The following ALDH2 variants were observed in gnomAD, a reference collection of about 807,000 sequenced individuals.
ALDH2 encodes the protein aldehyde dehydrogenase, mitochondrial.
Under a neutral mutation model 59.6 loss-of-function variants are expected in ALDH2, and 44 were observed. The observed-to-expected ratio is 0.74, with a 90% confidence interval of 0.58 to 0.95. ALDH2 has a LOEUF of 0.95. ALDH2 is among the 40% of genes least tolerant of loss of function. The pLI, the probability that ALDH2 is intolerant of heterozygous loss-of-function variation, is 0.00. For missense variants in ALDH2, 570 were observed against 696.3 expected (o/e 0.82, Z 2.04); for synonymous variants, 291 against 284.0 (o/e 1.02, Z -0.25).
At chr12:111,780,194 G>A (rs760470151) in intron 1 of ALDH2, among the ~76,000 whole-genome samples, 7 of 152,046 alleles carry the variant, frequency 4.6e-5, no homozygotes, top group Non-Finnish European at 1.5e-5. Flanking sequence ...ACGCAGCCTC[G>A]CACTTTAATA....
chr12:111,808,780 G>A (rs1781695649), intron 12 of ALDH2, among the ~76,000 whole-genome samples: 1 of 152,066 alleles, frequency 6.6e-6, no homozygotes, highest in Non-Finnish European at 1.5e-5. Flanking sequence ...AGGGATGAGG[G>A]AGCTGTCAGG....
chr12:111,783,193 C>T lies in ALDH2; in HGVS notation c.255C>T (p.Ala85=), dbSNP rs151016544. The T allele has an allele frequency of 9.5e-5, 154 of 1,613,132 alleles. No individual in the cohort carries two copies. Among genetic ancestry groups the T allele is most frequent in the African/African-American group, 3.9e-4 (29 of 75,056 alleles). The change falls in exon 3 of 13, where the codon GCC becomes GCT. Residue 85 remains alanine (A), a synonymous_variant. Transcript: ENST00000261733. Reference sequence around the variant, plus strand: ...ACAAGGCAGTGAAGGCCGCCCGGGCCGCCTTCCAGCTGGGCTCACCTTGGC... The same window carrying T: ...ACAAGGCAGTGAAGGCCGCCCGGGCTGCCTTCCAGCTGGGCTCACCTTGGC... ...DVDKAVKAAR[A]AFQLGSPWRR...
At chr12:111,772,627 C>T (rs1340217360) in intron 1 of ALDH2, among the ~76,000 whole-genome samples, 2 of 149,822 alleles carry the variant, frequency 1.3e-5, no homozygotes, top group African/African-American at 2.5e-5. Context: ...TCCCAAAGTG[C>T]TGGGATTACA....
intron 12 of ALDH2, among the ~76,000 whole-genome samples, chr12:111,806,047 C>T (rs2068491562): frequency 6.8e-6 from 1 of 147,140 alleles, no homozygotes; most frequent in Admixed American, 6.9e-5. Context: ...GGCGCAGTGG[C>T]TCACACCTGT....
chr12:111,774,229 G>A (rs919350432), intron 1 of ALDH2, among the ~76,000 whole-genome samples: 5 of 152,198 alleles, frequency 3.3e-5, no homozygotes. Flanking sequence ...GGAGTGTCCC[G>A]AGCAAGCCTG....
At position 111,782,000 on chromosome 12, in the gene ALDH2, G is replaced by T; in HGVS notation, c.197G>T (p.Cys66Phe). The change falls in exon 2 of 13, where the codon TGT becomes TTT. Residue 66 changes from cysteine (C) to phenylalanine (F), a missense_variant. Physicochemically the swap from Cys to Phe is radical, Grantham distance 205 (BLOSUM62 -2). Transcript: ENST00000261733. ...TVNPSTGEVI[C>F]QVAEGDKEDV... ...AATCCGTCCACTGGAGAGGTCATCT[G>T]TCAGGTAGCTGAAGGGGACAAGGTG... 1 of 1,613,938 alleles carries T rather than the reference G, an allele frequency of 6.2e-7. No individual in the cohort carries two copies. The highest frequency in any genetic ancestry group is 2.2e-5 in the East Asian group (1 of 44,882).
At chr12:111,769,518 C>T (rs1413198437) in intron 1 of ALDH2, among the ~76,000 whole-genome samples, 2 of 151,668 alleles carry the variant, frequency 1.3e-5, no homozygotes, top group Non-Finnish European at 2.9e-5. Flanking sequence ...ATTTTGTTTG[C>T]ATTTACAAGT....
chr12:111,802,139 C>T (rs759065129), intron 11 of ALDH2, among the ~76,000 whole-genome samples: 32 of 151,972 alleles, frequency 2.1e-4, no homozygotes, highest in African/African-American at 4.1e-4. Context: ...CCTGTAAGGC[C>T]GTGGTGGTTC....
intron 4 of ALDH2, among the ~76,000 whole-genome samples, chr12:111,787,606 AAC>A (rs1008251063): frequency 2.9e-4 from 44 of 152,206 alleles, no homozygotes; most frequent in Admixed American, 2.2e-3. Context: ...TGGACAAGAA[AAC>A]AGTTGGGCCG....
intron 3 of ALDH2, among the ~76,000 whole-genome samples, chr12:111,784,510 CT>C (rs909357134): frequency 6.6e-6 from 1 of 152,232 alleles, no homozygotes; most frequent in African/African-American, 2.4e-5. Flanking sequence ...CAGTTGCCCC[CT>C]ACATATCATT....
At chr12:111,777,158 T>C (rs2068239831) in intron 1 of ALDH2, among the ~76,000 whole-genome samples, 1 of 152,194 alleles carries the variant, frequency 6.6e-6, no homozygotes. Context: ...AAAGCCTGGC[T>C]CTGCCTTTGC....
chr12:111,806,618 A>G (rs1279970453), intron 12 of ALDH2, among the ~76,000 whole-genome samples: 2 of 152,216 alleles, frequency 1.3e-5, no homozygotes, highest in African/African-American at 4.8e-5. Flanking sequence ...ACTGGAATCA[A>G]CTAAACGTGT....
intron 9 of ALDH2, among the ~76,000 whole-genome samples, chr12:111,795,414 G>A (rs905407354): frequency 6.6e-6 from 1 of 151,300 alleles, no homozygotes. Flanking sequence ...TCCTGAGTAG[G>A]TGGGACTACA....
At chr12:111,787,628 G>A (rs970889229) in intron 4 of ALDH2, among the ~76,000 whole-genome samples, 4 of 152,140 alleles carry the variant, frequency 2.6e-5, no homozygotes, top group African/African-American at 9.7e-5. Context: ...GGGCGCAGTG[G>A]CTCACTCCCA....
chr12:111,782,131 A>G (rs1348256384), intron 2 of ALDH2, 109 bp downstream of exon 2: 6 of 791,032 alleles, frequency 7.6e-6, no homozygotes, highest in Non-Finnish European at 1.3e-5. Context: ...CACAAGTAAC[A>G]GATACCAGTG....
At chr12:111,769,694 A>G (rs1357378460) in intron 1 of ALDH2, among the ~76,000 whole-genome samples, 7 of 151,880 alleles carry the variant, frequency 4.6e-5, no homozygotes, top group Admixed American at 1.3e-4. Flanking sequence ...ACCCTTTCCA[A>G]GGACCACAGA....
At chr12:111,793,732 C>A (rs537105929) in intron 9 of ALDH2, among the ~76,000 whole-genome samples, 1 of 151,258 alleles carries the variant, frequency 6.6e-6, no homozygotes, top group Non-Finnish European at 1.5e-5. Context: ...ACTACAGGTG[C>A]GCACCACCAC....
At chr12:111,803,717 A>G in intron 11 of ALDH2, 142 bp from the exon 12 acceptor site, 1 of 364,396 alleles carries the variant, frequency 2.7e-6, no homozygotes, top group Non-Finnish European at 4.8e-6. Context: ...AGCCTGGGCA[A>G]CAGAGAAAGA....
chr12:111,792,185 G>T (rs1367930803), intron 8 of ALDH2, 22 bp downstream of exon 8: 2 of 1,571,630 alleles, frequency 1.3e-6, no homozygotes, highest in South Asian at 1.1e-5. Flanking sequence ...GCTGGAGAAG[G>T]CCTGGCCTTG....
Sources: allele counts gnomAD v4.1 joint callset (sites outside exome capture counted in the v4.1 genomes callset), GRCh38; gene constraint gnomAD v4.1.1; transcripts MANE v1.5; gene names NCBI Gene and HGNC (gene_info 2026-07-23, HGNC 2026-07-21).